Variants in EHBP1 observed in about 807,000 individuals in gnomAD.
EHBP1 encodes EH domain binding protein 1.
Under a neutral mutation model 144.0 loss-of-function variants are expected in EHBP1, and 55 were observed. The ratio of observed to expected loss-of-function variants is 0.38; its 90% CI spans 0.31 to 0.48. The LOEUF (loss-of-function observed/expected upper bound fraction) is 0.48, where lower values mean the gene tolerates loss of function less well. EHBP1 is among the 20% of genes least tolerant of loss of function. EHBP1 has a pLI of 0.98. For missense variants in EHBP1, 1,200 were observed against 1,364.2 expected (o/e 0.88, Z 1.90); for synonymous variants, 469 against 472.7 (o/e 0.99, Z 0.10).
chr2:62,906,581 T>C (rs1228411945), intron 10 of EHBP1, among the ~76,000 whole-genome samples: 4 of 152,238 alleles, frequency 2.6e-5, no homozygotes, highest in Non-Finnish European at 5.9e-5. Flanking sequence ...ATTAAACTTT[T>C]AATTTTGAGT....
At chr2:62,962,157 T>G (rs1344906495) in intron 14 of EHBP1, among the ~76,000 whole-genome samples, 1 of 151,934 alleles carries the variant, frequency 6.6e-6, no homozygotes, top group Non-Finnish European at 1.5e-5. Context: ...AAACCCCATC[T>G]CTACCAAAAA....
chr2:62,729,476 AAT>A (rs1245277966), intron 2 of EHBP1, among the ~76,000 whole-genome samples: 85 of 114,686 alleles, frequency 7.4e-4, no homozygotes, highest in African/African-American at 2.4e-3. Context: ...AATATATAAA[AAT>A]ATATATAAAT....
chr2:62,851,032 T>G (rs919004435), intron 7 of EHBP1, among the ~76,000 whole-genome samples: 2 of 152,186 alleles, frequency 1.3e-5, no homozygotes, highest in African/African-American at 2.4e-5. Flanking sequence ...TATCTTAGAT[T>G]TCTTGCCTAT....
intron 14 of EHBP1, among the ~76,000 whole-genome samples, chr2:62,958,943 G>T (rs549060960): frequency 2.7e-4 from 41 of 152,262 alleles, no homozygotes; most frequent in Admixed American, 7.9e-4. Flanking sequence ...TAAAAAATTT[G>T]AGTGGATACA....
At chr2:62,978,894 G>A (rs1050837329) in intron 14 of EHBP1, among the ~76,000 whole-genome samples, 2 of 151,974 alleles carry the variant, frequency 1.3e-5, no homozygotes, top group Admixed American at 6.6e-5. Context: ...TCTGTAAGCT[G>A]GATTCTTTTA....
chr2:62,962,264 T>G (rs1348338301), intron 14 of EHBP1, among the ~76,000 whole-genome samples: 1 of 152,194 alleles, frequency 6.6e-6, no homozygotes, highest in Non-Finnish European at 1.5e-5. Context: ...AGGCAGAGGT[T>G]GCAGTGAGCC....
chr2:62,694,854 G>C (rs1282669092), intron 1 of EHBP1, among the ~76,000 whole-genome samples: 1 of 152,120 alleles, frequency 6.6e-6, no homozygotes, highest in Non-Finnish European at 1.5e-5. Flanking sequence ...AGTCCCAGAG[G>C]AAAGAGCTTG....
chr2:62,919,993 C>G (rs1319338513), intron 10 of EHBP1, among the ~76,000 whole-genome samples: 1 of 151,984 alleles, frequency 6.6e-6, no homozygotes, highest in East Asian at 1.9e-4. Flanking sequence ...CTGTGAGACA[C>G]CATCAACTAA....
chr2:63,027,922 T>G (rs1433243659), intron 19 of EHBP1, among the ~76,000 whole-genome samples: 2 of 152,032 alleles, frequency 1.3e-5, no homozygotes, highest in Non-Finnish European at 2.9e-5. Flanking sequence ...TATATGTTTT[T>G]GTTTGTTTGT....
intron 2 of EHBP1, among the ~76,000 whole-genome samples, chr2:62,742,922 G>T (rs1386546510): frequency 2.0e-5 from 3 of 152,000 alleles, no homozygotes; most frequent in Non-Finnish European, 2.9e-5. Context: ...GTGTGCAACT[G>T]ATTTGTTTTT....
intron 7 of EHBP1, among the ~76,000 whole-genome samples, chr2:62,841,243 A>G (rs544654742): frequency 1.3e-5 from 2 of 151,800 alleles, no homozygotes; most frequent in African/African-American, 4.8e-5. Flanking sequence ...CGCAAGATCA[A>G]AAAACCAAAC....
chr2:62,972,609 G>T (rs940719515), intron 14 of EHBP1, among the ~76,000 whole-genome samples: 2 of 151,984 alleles, frequency 1.3e-5, no homozygotes, highest in African/African-American at 2.4e-5. Context: ...TTCTCAGTTG[G>T]TTTTTTGTCT....
intron 21 of EHBP1, among the ~76,000 whole-genome samples, chr2:63,043,459 A>G (rs749144953): frequency 6.6e-6 from 1 of 152,210 alleles, no homozygotes; most frequent in Non-Finnish European, 1.5e-5. Context: ...ATTAACATAT[A>G]GCATGTTTCA....
At chr2:62,835,910 G>A (rs927392900) in intron 7 of EHBP1, among the ~76,000 whole-genome samples, 51 of 152,254 alleles carry the variant, frequency 3.3e-4, no homozygotes, top group African/African-American at 9.9e-4. Flanking sequence ...CAGCGAGGCT[G>A]GGGGAGGGGC....
At chr2:62,789,946 T>C (rs974143775) in intron 5 of EHBP1, among the ~76,000 whole-genome samples, 1 of 152,220 alleles carries the variant, frequency 6.6e-6, no homozygotes, top group African/African-American at 2.4e-5. Context: ...CACCTTTAGT[T>C]TTCTATATGA....
intron 15 of EHBP1, among the ~76,000 whole-genome samples, chr2:62,980,366 G>A (rs1473717243): frequency 6.6e-6 from 1 of 152,222 alleles, no homozygotes; most frequent in East Asian, 1.9e-4. Context: ...GCCGAACTCA[G>A]GAGGTAATGC....
intron 2 of EHBP1, among the ~76,000 whole-genome samples, chr2:62,714,141 G>A (rs1339689132): frequency 6.6e-6 from 1 of 152,138 alleles, no homozygotes; most frequent in Admixed American, 6.5e-5. Context: ...TTTGGGAGGG[G>A]CTGAGGTGGC....
Position 62,826,243 on chromosome 2 carries a change from A to G in EHBP1, c.469A>G (p.Ile157Val), listed in dbSNP as rs1211013201. The change falls in exon 6 of 23, where the codon ATT becomes GTT. Residue 157 changes from isoleucine (I) to valine (V), a missense_variant. Around this residue, in one of 6 missense-constraint regions of EHBP1, gnomAD observed 137 missense variants for 190.1 expected, o/e 0.72. Transcript: ENST00000431489. Reference sequence around the variant, plus strand: ...CGCTCTTCAGTTTTCATTATCTTGCATTTTTCTGAGGGAAGGAAAAGCCAC... The same window carrying G: ...CGCTCTTCAGTTTTCATTATCTTGCGTTTTTCTGAGGGAAGGAAAAGCCAC... ...SAALQFSLSC[I>V]FLREGKATDE... 6.3e-7 allele frequency: 1 copy of G among 1,599,800 alleles called. No homozygotes were observed. The highest frequency in any genetic ancestry group is 8.5e-7 in the Non-Finnish European group (1 of 1,175,904).
intron 14 of EHBP1, among the ~76,000 whole-genome samples, chr2:62,957,142 C>T (rs2057742593): frequency 6.6e-6 from 1 of 152,118 alleles, no homozygotes. Context: ...TAAAAGTTAA[C>T]ATACCATGGT....
Sources: allele counts gnomAD v4.1 joint callset (sites outside exome capture counted in the v4.1 genomes callset), GRCh38; gene constraint gnomAD v4.1.1; regional missense constraint gnomAD v4.1.1; transcripts MANE v1.5; gene names NCBI Gene and HGNC (gene_info 2026-07-23, HGNC 2026-07-21).